The following SYN3 variants were observed in gnomAD, a reference collection of about 807,000 sequenced individuals.
SYN3 encodes synapsin-3.
A neutral mutation model predicts 65.8 loss-of-function variants in SYN3; 35 were observed. The ratio of observed to expected loss-of-function variants is 0.53; its 90% CI spans 0.41 to 0.70. SYN3 has a LOEUF of 0.70. Among genes scored for constraint, SYN3 ranks in the 30% least tolerant of loss-of-function variants. The pLI is 0.00. For synonymous variants in SYN3, 270 were observed against 292.9 expected, an observed-to-expected ratio of 0.92 and a Z score of 0.80; for missense variants, 680 against 749.0, an observed-to-expected ratio of 0.91 and a Z score of 1.08.
chr22:32,868,463 A>T (rs2048749357), intron 5 of SYN3, among the ~76,000 whole-genome samples: 1 of 151,794 alleles, frequency 6.6e-6, no homozygotes. Context: ...TTTTCGAGAC[A>T]GAGTTTCGCT....
chr22:32,599,262 T>C (rs2059246571), intron 6 of SYN3, among the ~76,000 whole-genome samples: 1 of 152,138 alleles, frequency 6.6e-6, no homozygotes, highest in Admixed American at 6.5e-5. Context: ...AAGAGCAATA[T>C]TACAGACATC....
chr22:32,647,924 A>C (rs927145113), intron 6 of SYN3, among the ~76,000 whole-genome samples: 5 of 151,972 alleles, frequency 3.3e-5, no homozygotes, highest in Non-Finnish European at 4.4e-5. Context: ...TTTTTGGTAG[A>C]GATGGAGTCT....
At chr22:32,601,533 T>A (rs201881475) in intron 6 of SYN3, among the ~76,000 whole-genome samples, 10 of 151,428 alleles carry the variant, frequency 6.6e-5, no homozygotes, top group Admixed American at 2.0e-4. Flanking sequence ...CGCCTTGGCC[T>A]CCCAAAGTGC....
intron 7 of SYN3, among the ~76,000 whole-genome samples, chr22:32,576,704 T>C (rs1297388379): frequency 6.6e-6 from 1 of 152,050 alleles, no homozygotes; most frequent in Non-Finnish European, 1.5e-5. Context: ...TGCATCCTTA[T>C]CTCATTCCTC....
rs2058260888 is a variant in SYN3 at position 32,541,821 on chromosome 22, G to A, written c.775-108C>T. 7 of 1,314,326 alleles carry A rather than the reference G, an allele frequency of 5.3e-6. No homozygotes were observed. The East Asian group carries it at 7.6e-5, about 14-fold the overall frequency. 81.4% of individuals were successfully genotyped at this position (1,314,326 alleles called of 1,614,324 possible). A position where few individuals can be genotyped will look rare whatever the true frequency, so the allele number is the denominator to read the frequency against. On this transcript the variant is annotated intron_variant, in intron 7 of 13. Transcript: ENST00000358763. ...TATAGACACGAATTCCCTTCAGAAG[G>A]TCACCTGCTGGCAGGGGAGACAGAC...
chr22:32,834,823 C>A (rs2047682814), intron 6 of SYN3, among the ~76,000 whole-genome samples: 1 of 152,174 alleles, frequency 6.6e-6, no homozygotes, highest in South Asian at 2.1e-4. Flanking sequence ...CTGCATGAGA[C>A]CCAGAAATGA....
chr22:32,572,364 TTCCA>T (rs1194997930), intron 7 of SYN3, among the ~76,000 whole-genome samples: 13 of 82,532 alleles, frequency 1.6e-4, no homozygotes, highest in African/African-American at 5.3e-4. Context: ...CTTACTTCCC[TTCCA>T]CCCTCCCTCC....
intron 1 of SYN3, among the ~76,000 whole-genome samples, chr22:33,052,588 A>G (rs2054188195): frequency 6.6e-6 from 1 of 152,080 alleles, no homozygotes; most frequent in Non-Finnish European, 1.5e-5. Context: ...AGGAACAAAA[A>G]AAAAAAAAAG....
At chr22:33,014,325 C>T (rs1173943779) in intron 1 of SYN3, 1 of 152,170 alleles carries the variant, frequency 6.6e-6, no homozygotes, top group African/African-American at 2.4e-5. Flanking sequence ...ATCTTAGCTA[C>T]TGGGTATAAT....
intron 4 of SYN3, among the ~76,000 whole-genome samples, chr22:32,881,071 G>T: frequency 6.6e-6 from 1 of 152,238 alleles, no homozygotes; most frequent in South Asian, 2.1e-4. Flanking sequence ...GCTGTCAGCA[G>T]CCTGCTCAGC....
At chr22:32,551,037 C>T (rs923983149) in intron 7 of SYN3, among the ~76,000 whole-genome samples, 3 of 152,190 alleles carry the variant, frequency 2.0e-5, no homozygotes, top group Non-Finnish European at 2.9e-5. Context: ...GGTGCTAAGA[C>T]ACTATCTCAC....
chr22:32,734,889 T>TCC (rs1245775347), intron 6 of SYN3, among the ~76,000 whole-genome samples: 1 of 152,226 alleles, frequency 6.6e-6, no homozygotes, highest in Non-Finnish European at 1.5e-5. Flanking sequence ...TCAGGGTGGA[T>TCC]ACAGTCTTCG....
chr22:33,054,425 A>G (rs2054222664), intron 1 of SYN3, among the ~76,000 whole-genome samples: 1 of 152,212 alleles, frequency 6.6e-6, no homozygotes, highest in Non-Finnish European at 1.5e-5. Context: ...TTACATAACT[A>G]AAAGCTAGCC....
chr22:32,623,664 A>G (rs11705482), intron 6 of SYN3, among the ~76,000 whole-genome samples: 203 of 152,298 alleles, frequency 1.3e-3, no homozygotes, highest in Non-Finnish European at 2.2e-3. Context: ...TCTCCTTGCC[A>G]TTCATTCAGC....
intron 2 of SYN3, among the ~76,000 whole-genome samples, chr22:32,984,104 G>A (rs1476683453): frequency 7.1e-6 from 1 of 140,580 alleles, no homozygotes. Context: ...AGAAGTTGCA[G>A]TGAGCCAAGA....
intron 6 of SYN3, among the ~76,000 whole-genome samples, chr22:32,819,406 G>A (rs1471332629): frequency 6.6e-6 from 1 of 152,240 alleles, no homozygotes; most frequent in Non-Finnish European, 1.5e-5. Flanking sequence ...ACATGTAGAA[G>A]GGTGTATCTC....
Position 32,946,243 on chromosome 22 carries a change from G to A in SYN3, c.370-14762C>T, listed in dbSNP as rs558612016. On this transcript the variant is annotated intron_variant, in intron 3 of 13. Transcript: ENST00000358763. Reference sequence around the variant, plus strand: ...TGCTGCTATAAAGACACATGCACACGTATGTTTATTGCGGCACTATTCACA... The same window carrying A: ...TGCTGCTATAAAGACACATGCACACATATGTTTATTGCGGCACTATTCACA... 1.2e-4 allele frequency among the ~76,000 whole-genome samples: 19 copies of A among 152,212 alleles called. 1 individual carries two copies. In the South Asian group the frequency reaches 2.5e-3, roughly 20 times the overall value.
intron 11 of SYN3, 53 bp downstream of exon 11, chr22:32,528,821 C>A (rs2058023948): frequency 2.1e-5 from 34 of 1,609,190 alleles, no homozygotes; most frequent in Non-Finnish European, 2.7e-5. Context: ...CATTTCCAGA[C>A]AGCCTGGCAT....
At chr22:32,563,005 T>C (rs1270662001) in intron 7 of SYN3, among the ~76,000 whole-genome samples, 2 of 152,210 alleles carry the variant, frequency 1.3e-5, no homozygotes, top group East Asian at 3.9e-4. Context: ...CAGATTCAAA[T>C]TTCCACCATG....
Sources: allele counts gnomAD v4.1 joint callset (sites outside exome capture counted in the v4.1 genomes callset), GRCh38; gene constraint gnomAD v4.1.1; transcripts MANE v1.5; gene names NCBI Gene and HGNC (gene_info 2026-07-23, HGNC 2026-07-21).